Variants in CDK7 observed in about 807,000 individuals in gnomAD.
CDK7 encodes the protein cyclin-dependent kinase 7.
Under a neutral mutation model 49.1 loss-of-function variants are expected in CDK7, and 25 were observed. That is an observed-to-expected ratio of 0.51 (90% CI 0.37 to 0.71). CDK7 has a LOEUF of 0.71. Ranked by LOEUF, CDK7 falls within the 30% of genes least tolerant of loss-of-function variation. CDK7 has a pLI of 0.00. For synonymous variants in CDK7, 107 were observed against 140.0 expected (o/e 0.76, Z 1.67); for missense variants, 316 against 411.7 (o/e 0.77, Z 2.01).
At chr5:69,248,932 T>A (rs978195552) in intron 2 of CDK7, among the ~76,000 whole-genome samples, 21 of 151,218 alleles carry the variant, frequency 1.4e-4, no homozygotes, top group African/African-American at 1.7e-4. Flanking sequence ...GCCTCCTGAG[T>A]AGCTGGGATT....
At chr5:69,236,314 A>C (rs1225647988) in intron 2 of CDK7, among the ~76,000 whole-genome samples, 1 of 152,166 alleles carries the variant, frequency 6.6e-6, no homozygotes, top group African/African-American at 2.4e-5. Context: ...TTAACCTTCA[A>C]AACAATCTAT....
chr5:69,256,862 A>AG (rs1001699186), intron 5 of CDK7, among the ~76,000 whole-genome samples: 3 of 152,048 alleles, frequency 2.0e-5, no homozygotes, highest in Non-Finnish European at 2.9e-5. Context: ...TCTCGAAAAA[A>AG]GAAAAAAAAA....
intron 2 of CDK7, among the ~76,000 whole-genome samples, chr5:69,246,728 C>G (rs1749780617): frequency 6.7e-6 from 1 of 150,128 alleles, no homozygotes; most frequent in African/African-American, 2.5e-5. Context: ...TTCATGTAGG[C>G]AGTTACAGCT....
At chr5:69,272,582 T>C (rs34657177) in intron 9 of CDK7, among the ~76,000 whole-genome samples, 42,511 of 152,010 alleles carry the variant, frequency 0.28, 6,532 homozygotes, top group East Asian at 0.4. Context: ...TAGCTTATAG[T>C]ATATTACCCT....
rs1159613639 is a variant in CDK7, at chr5:69,245,296, TCCCC to T, written c.127-7120_127-7117del. On this transcript the variant is annotated intron_variant, in intron 2 of 11. Transcript: ENST00000256443. ...CGTCCTCCCTCCTTTTCCCCTCCCT[TCCCC>T]CTCCCCTTCCCCCTCCCCTTCCCCT... 9.7e-5 allele frequency among the ~76,000 whole-genome samples: 3 copies of T among 31,062 alleles called. No individual in the cohort carries two copies. The East Asian group carries it at 3.9e-3, about 40-fold the overall frequency. The allele number at this position is 31,062 out of a possible 152,430, so 20.4% of individuals were successfully genotyped here.
chr5:69,253,159 T>C (rs1750259348), intron 3 of CDK7, among the ~76,000 whole-genome samples: 1 of 152,250 alleles, frequency 6.6e-6, no homozygotes, highest in Admixed American at 6.5e-5. Context: ...GGAAATTATT[T>C]CATTAAACTT....
chr5:69,255,563 C>T (rs1750429403), intron 5 of CDK7, 35 bp downstream of exon 5: 3 of 1,371,650 alleles, frequency 2.2e-6, no homozygotes, highest in Non-Finnish European at 3.1e-6. Flanking sequence ...TTCCTTTGTC[C>T]CAGTTTATCA....
At chr5:69,272,283 A>G (rs1238948890) in intron 9 of CDK7, among the ~76,000 whole-genome samples, 1 of 152,202 alleles carries the variant, frequency 6.6e-6, no homozygotes, top group African/African-American at 2.4e-5. Context: ...GTCTTAATCA[A>G]AGTAGCTATA....
chr5:69,260,236 G>T (rs1750731296), intron 7 of CDK7, among the ~76,000 whole-genome samples: 1 of 152,114 alleles, frequency 6.6e-6, no homozygotes, highest in African/African-American at 2.4e-5. Flanking sequence ...TGTAATCCTA[G>T]CTACTCAGGA....
intron 5 of CDK7, among the ~76,000 whole-genome samples, chr5:69,257,560 C>G (rs1170722442): frequency 1.3e-5 from 2 of 152,152 alleles, no homozygotes; most frequent in African/African-American, 4.8e-5. Flanking sequence ...AAAGTGCTTT[C>G]TTTTCTTTGA....
At chr5:69,265,558 C>G (rs952908070) in intron 8 of CDK7, among the ~76,000 whole-genome samples, 1 of 152,224 alleles carries the variant, frequency 6.6e-6, no homozygotes, top group Non-Finnish European at 1.5e-5. Flanking sequence ...ACCTAGAATT[C>G]TTTGCCTGTT....
chr5:69,262,311 C>T lies in CDK7; in HGVS notation c.627+7C>T. On this transcript the variant is annotated splice_region_variant and intron_variant, in intron 8 of 11. Coordinates refer to ENST00000256443, the MANE Select transcript of CDK7 (RefSeq NM_001799.4). ...AGCAGAGTTACTTCTAAGGGTAAGT[C>T]TAAATTAATGTACGCACTTTAATAT... is the stretch of plus-strand genomic sequence containing the variant. The T allele has an allele frequency of 6.2e-7, 1 of 1,614,038 alleles. No individual in the cohort carries two copies. Among genetic ancestry groups the T allele is most frequent in the Non-Finnish European group, 8.5e-7 (1 of 1,179,942 alleles).
At chr5:69,265,745 A>T (rs1751110792) in intron 8 of CDK7, among the ~76,000 whole-genome samples, 1 of 152,046 alleles carries the variant, frequency 6.6e-6, no homozygotes, top group Non-Finnish European at 1.5e-5. Flanking sequence ...CCCTGTCTCT[A>T]CCAAAAATAC....
At chr5:69,246,113 A>G (rs1749737402) in intron 2 of CDK7, among the ~76,000 whole-genome samples, 3 of 151,880 alleles carry the variant, frequency 2.0e-5, no homozygotes, top group Admixed American at 2.0e-4. Context: ...TTTTTTTTCT[A>G]GAGCAGGAGT....
rs529337839 is a variant in CDK7 at position 69,254,458 on chromosome 5, G to A, written c.161-144G>A. On this transcript the variant is annotated intron_variant, in intron 3 of 11. Coordinates refer to ENST00000256443, the MANE Select transcript of CDK7 (RefSeq NM_001799.4). ...AATTGCTTGAACCCGGGAAGCAGAG[G>A]TTGCAGTGAGCCGAGATCACGCCAC... 54 of 460,352 alleles carry A rather than the reference G, an allele frequency of 1.2e-4. 1 individual carries two copies. The East Asian group carries it at 1.7e-3, about 14-fold the overall frequency. 28.5% of individuals were successfully genotyped at this position (460,352 alleles called of 1,614,324 possible).
At chr5:69,259,044 C>T (rs1038066995) in intron 6 of CDK7, among the ~76,000 whole-genome samples, 1 of 149,830 alleles carries the variant, frequency 6.7e-6, no homozygotes, top group Middle Eastern at 3.5e-3. Context: ...CCACTGCACT[C>T]TAGTCTGGGT....
chr5:69,274,052 T>G (rs995129167), intron 10 of CDK7, among the ~76,000 whole-genome samples: 1 of 152,234 alleles, frequency 6.6e-6, no homozygotes, highest in Non-Finnish European at 1.5e-5. Flanking sequence ...ACAAGTAATT[T>G]GTTGCCTTTT....
rs566156138 is a variant in CDK7 at position 69,240,714 on chromosome 5, G to A, written c.126+5261G>A. ...GCGATCTCGGCTCACTGCAACCCCC[G>A]CCTCCCAGGTTCAAGCAGTTCTCCT... On this transcript the variant is annotated intron_variant, in intron 2 of 11. Coordinates refer to ENST00000256443, the MANE Select transcript of CDK7 (RefSeq NM_001799.4). 3.2e-3 allele frequency among the ~76,000 whole-genome samples: 481 copies of A among 152,200 alleles called. 2 individuals are homozygous for A. Among genetic ancestry groups the A allele is most frequent in the African/African-American group, 0.011 (460 of 41,552 alleles).
At chr5:69,253,333 C>T (rs369349349) in intron 3 of CDK7, among the ~76,000 whole-genome samples, 2 of 152,036 alleles carry the variant, frequency 1.3e-5, no homozygotes, top group Non-Finnish European at 2.9e-5. Flanking sequence ...ATCGCAATCT[C>T]GGCTCACTGC....
Sources: gnomAD v4.1 joint callset for allele counts (sites outside exome capture counted in the v4.1 genomes callset) on GRCh38, gnomAD v4.1.1 for gene constraint, MANE v1.5 for transcripts, NCBI Gene and HGNC (gene_info 2026-07-23, HGNC 2026-07-21) for gene names.